HSD17B3: variants seen among roughly 807,000 people sequenced by gnomAD.
The protein encoded by HSD17B3 is hydroxysteroid 17-beta dehydrogenase 3, also known as 17-beta-hydroxysteroid dehydrogenase type 3.
In HSD17B3, 29 loss-of-function variants were observed where a neutral mutation model predicts 41.1. That is an observed-to-expected ratio of 0.71 (90% confidence interval 0.53 to 0.96). HSD17B3 has a LOEUF of 0.96. Among genes scored for constraint, HSD17B3 ranks in the 40% least tolerant of loss-of-function variants. HSD17B3 has a pLI of 0.00. For synonymous variants in HSD17B3, 126 were observed against 145.6 expected (o/e 0.87, Z 0.97); for missense variants, 323 against 374.6 (o/e 0.86, Z 1.14).
Position 96,249,966 on chromosome 9 carries a change from A to T in HSD17B3, c.454-180T>A, listed in dbSNP as rs1295100877. 4 of 1,500,308 alleles carry T rather than the reference A, an allele frequency of 2.7e-6. No individual in the cohort carries two copies. The East Asian group carries it at 9.9e-5, about 37-fold the overall frequency. 92.9% of individuals were successfully genotyped at this position (1,500,308 alleles called of 1,614,324 possible). A position where few individuals can be genotyped will look rare whatever the true frequency, so the allele number is the denominator to read the frequency against. On this transcript the variant is annotated intron_variant, in intron 5 of 10. Coordinates refer to ENST00000375263, the MANE Select transcript of HSD17B3 (RefSeq NM_000197.2). Reference sequence around the variant, plus strand: ...CAAGCATGTACTAGCATCAAGAAACATCTGACTCCCATTCTGTCATTCTGT... The same window carrying T: ...CAAGCATGTACTAGCATCAAGAAACTTCTGACTCCCATTCTGTCATTCTGT...
chr9:96,297,745 G>A (rs964481440), intron 2 of HSD17B3, among the ~76,000 whole-genome samples: 1 of 152,034 alleles, frequency 6.6e-6, no homozygotes. Flanking sequence ...AGTGTAATAG[G>A]CATAAGGAAG....
At chr9:96,251,067 C>T in intron 5 of HSD17B3, 1 of 263,376 alleles carries the variant, frequency 3.8e-6, no homozygotes. Context: ...ACAGAGAAAG[C>T]CAAAGAGCTG....
intron 9 of HSD17B3, among the ~76,000 whole-genome samples, chr9:96,243,266 G>C (rs926091128): frequency 1.3e-5 from 2 of 152,220 alleles, no homozygotes; most frequent in African/African-American, 4.8e-5. Context: ...GGGAGTGGGA[G>C]CACGGAGACC....
intron 2 of HSD17B3, among the ~76,000 whole-genome samples, chr9:96,255,944 G>A (rs940294022): frequency 3.3e-5 from 5 of 152,224 alleles, no homozygotes; most frequent in African/African-American, 9.6e-5. Flanking sequence ...GAGAGATTCC[G>A]CGGGGGACAC....
intron 2 of HSD17B3, among the ~76,000 whole-genome samples, chr9:96,286,358 A>AG (rs1019786597): frequency 9.9e-5 from 15 of 151,704 alleles, no homozygotes; most frequent in African/African-American, 3.6e-4. Context: ...GAAAAAAAAA[A>AG]CAGGTTGCAG....
chr9:96,239,578 A>T (rs1246189478), intron 10 of HSD17B3: 1 of 152,250 alleles, frequency 6.6e-6, no homozygotes, highest in Non-Finnish European at 1.5e-5. Context: ...AGAGTCTTTA[A>T]GTCCCAGCAG....
chr9:96,250,458 T>A (rs1403990930), intron 5 of HSD17B3: 1 of 1,063,734 alleles, frequency 9.4e-7, no homozygotes, highest in Non-Finnish European at 1.1e-6. Flanking sequence ...TGCAGCAGAC[T>A]CGGGGCTTAC....
chr9:96,281,641 T>C (rs565504835), intron 2 of HSD17B3, among the ~76,000 whole-genome samples: 1 of 152,352 alleles, frequency 6.6e-6, no homozygotes, highest in Admixed American at 6.5e-5. Flanking sequence ...AATCTGCCTT[T>C]CGCTCTTTGC....
At chr9:96,293,273 T>C (rs1030438567) in intron 2 of HSD17B3, among the ~76,000 whole-genome samples, 4 of 152,210 alleles carry the variant, frequency 2.6e-5, no homozygotes, top group Admixed American at 6.5e-5. Flanking sequence ...TTAGTAGACT[T>C]TGAGTAAAGC....
chr9:96,297,258 T>C (rs1195332468), intron 2 of HSD17B3, among the ~76,000 whole-genome samples: 1 of 151,960 alleles, frequency 6.6e-6, no homozygotes, highest in African/African-American at 2.4e-5. Context: ...ACAAATTTTA[T>C]GTTAACTGTA....
intron 10 of HSD17B3, chr9:96,239,923 C>G (rs947184817): frequency 6.6e-6 from 1 of 152,226 alleles, no homozygotes; most frequent in Non-Finnish European, 1.5e-5. Flanking sequence ...CTGGCTTGCA[C>G]TCACTCATAA....
chr9:96,244,513 G>C (rs990205898), intron 8 of HSD17B3, 119 bp from the exon 9 acceptor site: 5 of 899,562 alleles, frequency 5.6e-6, no homozygotes, highest in South Asian at 1.3e-5. Flanking sequence ...AAATAGAGTG[G>C]GGAGCTCTGG....
intron 2 of HSD17B3, among the ~76,000 whole-genome samples, chr9:96,289,657 A>G (rs1195930723): frequency 6.6e-6 from 1 of 152,190 alleles, no homozygotes; most frequent in African/African-American, 2.4e-5. Flanking sequence ...TTCTCTCAAG[A>G]GCCACAGGCC....
chr9:96,295,863 C>T (rs1157148619), intron 2 of HSD17B3, among the ~76,000 whole-genome samples: 2 of 152,054 alleles, frequency 1.3e-5, no homozygotes, highest in Admixed American at 1.3e-4. Flanking sequence ...GAAATCCTAA[C>T]CCCCAATGAG....
intron 4 of HSD17B3, among the ~76,000 whole-genome samples, chr9:96,252,029 G>A (rs770493892): frequency 2.6e-5 from 4 of 152,142 alleles, no homozygotes; most frequent in African/African-American, 7.2e-5. Context: ...CACTGTGCAC[G>A]CGGCCGTAAA....
intron 2 of HSD17B3, among the ~76,000 whole-genome samples, chr9:96,275,889 C>A (rs936436403): frequency 7.2e-5 from 11 of 151,750 alleles, no homozygotes; most frequent in African/African-American, 2.7e-4. Flanking sequence ...AATAGTAAGT[C>A]CTCACCTATC....
intron 2 of HSD17B3, among the ~76,000 whole-genome samples, chr9:96,293,664 T>TGTGTGTGTG (rs1827242091): frequency 7.4e-6 from 1 of 135,002 alleles, no homozygotes; most frequent in African/African-American, 3.1e-5. Flanking sequence ...TGTGTGTATG[T>TGTGTGTGTG]GTGTGTGTGT....
At chr9:96,250,410 G>A (rs1836849251) in intron 5 of HSD17B3, 2 of 1,068,368 alleles carry the variant, frequency 1.9e-6, no homozygotes, top group East Asian at 1.0e-4. Flanking sequence ...TGGTGAGGAT[G>A]TGCAGCAGCG....
intron 9 of HSD17B3, among the ~76,000 whole-genome samples, chr9:96,243,987 A>G (rs377104402): frequency 5.9e-5 from 9 of 152,326 alleles, no homozygotes; most frequent in African/African-American, 2.2e-4. Context: ...CCAGGGTCAG[A>G]GAGGAAAAGC....
Sources: allele counts gnomAD v4.1 joint callset (sites outside exome capture counted in the v4.1 genomes callset), GRCh38; gene constraint gnomAD v4.1.1; transcripts MANE v1.5; gene names NCBI Gene and HGNC (gene_info 2026-07-23, HGNC 2026-07-21).